Variants in SLC39A9 observed in about 807,000 individuals in gnomAD.
SLC39A9 encodes the protein zinc transporter ZIP9.
SLC39A9 carries 14 observed loss-of-function variants against 28.4 expected under a neutral mutation model. That is an observed-to-expected ratio of 0.49 (90% CI 0.33 to 0.77). The LOEUF is 0.77. SLC39A9 is among the 30% of genes least tolerant of loss of function. SLC39A9 has a pLI of 0.02. For synonymous variants in SLC39A9, 119 were observed against 149.6 expected, an observed-to-expected ratio of 0.80 and a Z score of 1.49; for missense variants, 283 against 381.1, an observed-to-expected ratio of 0.74 and a Z score of 2.14.
chr14:69,414,638 AATAG>A (rs1883469251), intron 1 of SLC39A9, among the ~76,000 whole-genome samples: 1 of 152,226 alleles, frequency 6.6e-6, no homozygotes, highest in Non-Finnish European at 1.5e-5. Flanking sequence ...TTTTTTTATA[AATAG>A]ATAATTTTAT....
chr14:69,442,175 G>A lies in SLC39A9; in HGVS notation c.312G>A (p.Leu104=), dbSNP rs1350272293. 1.2e-6 allele frequency: 2 copies of A among 1,614,206 alleles called. No homozygotes were observed. The highest frequency in any genetic ancestry group is 1.6e-4 in the Middle Eastern group (1 of 6,062). Residue 104 remains leucine, a synonymous_variant, in exon 3 of 7, where the codon CTG becomes CTA. Transcript: ENST00000336643. ...EHEHSHDHTQ[L]HAYIGVSLVL... ...AGCACAGCCACGACCACACACAGCT[G>A]CATGCCTATATTGGTGTTTCCCTCG...
chr14:69,459,226 C>T lies in SLC39A9; in HGVS notation c.*633C>T. 2 of 985,494 alleles carry T rather than the reference C, an allele frequency of 2.0e-6. No homozygotes were observed. The highest frequency in any genetic ancestry group is 1.7e-5 in the African/African-American group (1 of 57,378). The allele number at this position is 985,494 out of a possible 1,614,324, so 61.0% of individuals were successfully genotyped here. The stretch of plus-strand genomic sequence containing the variant: ...AAAGGGATGTCTAGAGGGATTTAAA[C>T]AGCTCCTTTGGCACGTGCCTCTCTG... On this transcript the variant is annotated 3_prime_UTR_variant, in exon 7 of 7. Transcript: ENST00000336643.
Position 69,455,742 on chromosome 14 carries a change from CT to C in SLC39A9, c.573del (p.Phe191LeufsTer7). ...VAIMLHKAPAAFGLVSFLMHA... is the reference protein window; with the variant it reads ...VAIMLHKAPAXFGLVSFLMHA... ...ATTTTTTATTTCCAGGCACCAGCTG[CT>C]TTTGGACTGGTTTCCTTCTTGATGC... On this transcript the variant is annotated frameshift_variant, in exon 6 of 7. Transcript: ENST00000336643. LOFTEE classifies it high-confidence loss of function. 1 of 1,614,170 alleles carries C rather than the reference CT, an allele frequency of 6.2e-7. No individual in the cohort carries two copies. The highest frequency in any genetic ancestry group is 8.5e-7 in the Non-Finnish European group (1 of 1,180,024).
At chr14:69,420,036 CATT>C in intron 1 of SLC39A9, among the ~76,000 whole-genome samples, 1 of 152,140 alleles carries the variant, frequency 6.6e-6, no homozygotes, top group Non-Finnish European at 1.5e-5. Flanking sequence ...TTGATCCTGT[CATT>C]ATGATGTTAG....
chr14:69,429,122 T>G (rs1884352054), intron 2 of SLC39A9: 1 of 152,152 alleles, frequency 6.6e-6, no homozygotes, highest in Non-Finnish European at 1.5e-5. Flanking sequence ...TTTCTTCAGT[T>G]AATAATGTAA....
intron 4 of SLC39A9, among the ~76,000 whole-genome samples, 199 bp downstream of exon 4, chr14:69,453,508 A>G (rs1415641278): frequency 6.6e-6 from 1 of 151,846 alleles, no homozygotes; most frequent in Non-Finnish European, 1.5e-5. Context: ...TGGTTTCTAT[A>G]CTTTTTAATG....
intron 5 of SLC39A9, among the ~76,000 whole-genome samples, chr14:69,455,292 T>C (rs908836224): frequency 3.9e-5 from 6 of 152,106 alleles, no homozygotes; most frequent in Non-Finnish European, 8.8e-5. Context: ...CTCTGCCTGG[T>C]TTTGTTTTTT....
In SLC39A9 at chr14:69,446,873, CAA is replaced by C. The variant is rs35612117; in HGVS notation, c.403+4622_403+4623del. Among the ~76,000 whole-genome samples the C allele has an allele frequency of 7.0e-4, 63 of 89,794 alleles. No homozygotes were observed. In the East Asian group the frequency reaches 0.015, roughly 21 times the overall value. 58.9% of individuals were successfully genotyped at this position (89,794 alleles called of 152,430 possible). On this transcript the variant is annotated intron_variant, in intron 3 of 6. Transcript: ENST00000336643. ...GGGAGACAAGAACTAAACTCTGTCT[CAA>C]AAAAAAAAAAAAAAGAAAAAGAAAA... is the stretch of plus-strand genomic sequence containing the variant.
At position 69,424,215 on chromosome 14, in the gene SLC39A9, A is replaced by G; in HGVS notation, c.205+13A>G. The G allele has an allele frequency of 3.2e-6, 5 of 1,582,544 alleles. No individual in the cohort carries two copies. The highest frequency in any genetic ancestry group is 4.3e-6 in the Non-Finnish European group (5 of 1,151,638). On this transcript the variant is annotated intron_variant, in intron 2 of 6. Coordinates refer to ENST00000336643, the MANE Select transcript of SLC39A9 (RefSeq NM_018375.5). Reference sequence around the variant, plus strand: ...GATATTCTTGAGGGTGAGAAAGGGAAGAGCATTATTTGAGATATGTTATTG... The same window carrying G: ...GATATTCTTGAGGGTGAGAAAGGGAGGAGCATTATTTGAGATATGTTATTG...
intron 2 of SLC39A9, 111 bp from the exon 3 acceptor site, chr14:69,441,958 T>A: frequency 6.9e-7 from 1 of 1,451,368 alleles, no homozygotes; most frequent in Non-Finnish European, 9.0e-7. Context: ...AAAAAGTGGA[T>A]GTCTTTACAG....
rs1001049728 is a variant in SLC39A9, at chr14:69,461,485, T to C, written c.*2892T>C. On this transcript the variant is annotated 3_prime_UTR_variant, in exon 7 of 7. Coordinates refer to ENST00000336643, the MANE Select transcript of SLC39A9 (RefSeq NM_018375.5). ...AACAGTACTACCTACCTAGAGGTTATGTGTTTTCTCTTTCTCCCCGCTTTC... is the reference window on the plus strand; with the variant it reads ...AACAGTACTACCTACCTAGAGGTTACGTGTTTTCTCTTTCTCCCCGCTTTC... 3 of 1,421,012 alleles carry C rather than the reference T, an allele frequency of 2.1e-6. No homozygotes were observed. The highest frequency in any genetic ancestry group is 1.8e-6 in the Non-Finnish European group (2 of 1,090,684). 88.0% of individuals were successfully genotyped at this position (1,421,012 alleles called of 1,614,324 possible).
chr14:69,439,764 A>G (rs982876937), intron 2 of SLC39A9, among the ~76,000 whole-genome samples: 13 of 152,130 alleles, frequency 8.5e-5, no homozygotes, highest in African/African-American at 3.1e-4. Context: ...TGTTTAAAAG[A>G]GCATGGCACC....
chr14:69,441,590 A>G (rs558005713), intron 2 of SLC39A9, among the ~76,000 whole-genome samples: 6 of 152,076 alleles, frequency 3.9e-5, no homozygotes, highest in Non-Finnish European at 7.4e-5. Flanking sequence ...TAAAGCTAAA[A>G]ATTTTCTACT....
At chr14:69,451,892 A>G (rs1163664624) in intron 3 of SLC39A9, among the ~76,000 whole-genome samples, 1 of 151,954 alleles carries the variant, frequency 6.6e-6, no homozygotes. Flanking sequence ...AATTTTAAAA[A>G]TTTTGTAGAG....
At chr14:69,413,200 C>CA (rs1883371516) in intron 1 of SLC39A9, among the ~76,000 whole-genome samples, 1 of 152,046 alleles carries the variant, frequency 6.6e-6, no homozygotes, top group Non-Finnish European at 1.5e-5. Flanking sequence ...ACTAAAAATA[C>CA]AAAAAATAAG....
chr14:69,422,056 T>G (rs565398706), intron 1 of SLC39A9, among the ~76,000 whole-genome samples: 19 of 152,170 alleles, frequency 1.2e-4, no homozygotes, highest in African/African-American at 4.3e-4. Flanking sequence ...GTACCTCAGT[T>G]GGAAATGCAG....
chr14:69,440,968 T>C lies in SLC39A9; in HGVS notation c.206-1101T>C, dbSNP rs997109049. ...ATGAGCCATTGCACCTGGCCTGTTT[T>C]GTTTTGTTTTTAAGAGACAGGATCT... On this transcript the variant is annotated intron_variant, in intron 2 of 6. Transcript: ENST00000336643. Among the ~76,000 whole-genome samples, 14 of 147,650 alleles carry C rather than the reference T, an allele frequency of 9.5e-5. No homozygotes were observed. In the East Asian group the frequency reaches 1.7e-3, roughly 18 times the overall value.
At chr14:69,433,742 G>A (rs2140286395) in intron 2 of SLC39A9, among the ~76,000 whole-genome samples, 1 of 151,856 alleles carries the variant, frequency 6.6e-6, no homozygotes. Context: ...ATTGATTTGA[G>A]GTTTCTCTTC....
chr14:69,460,525 G>A lies in SLC39A9; in HGVS notation c.*1932G>A, dbSNP rs1260983021. 42 of 985,224 alleles carry A rather than the reference G, an allele frequency of 4.3e-5. No homozygotes were observed. Among genetic ancestry groups the A allele is most frequent in the Non-Finnish European group, 4.7e-5 (39 of 829,912 alleles). The allele number at this position is 985,224 out of a possible 1,614,324, so 61.0% of individuals were successfully genotyped here. Reference sequence around the variant, plus strand: ...TAGATTCTCTCTGGAAACTGACTTTGTCAAATAAATAGCAGATTGTAGTGT... The same window carrying A: ...TAGATTCTCTCTGGAAACTGACTTTATCAAATAAATAGCAGATTGTAGTGT... On this transcript the variant is annotated 3_prime_UTR_variant, in exon 7 of 7. Coordinates refer to ENST00000336643, the MANE Select transcript of SLC39A9 (RefSeq NM_018375.5).
Sources: gnomAD v4.1 joint callset for allele counts (sites outside exome capture counted in the v4.1 genomes callset) on GRCh38, gnomAD v4.1.1 for gene constraint, MANE v1.5 for transcripts, NCBI Gene and HGNC (gene_info 2026-07-23, HGNC 2026-07-21) for gene names.